Variants in ARL15 observed in about 807,000 individuals in gnomAD.
The protein encoded by ARL15 is ARF like GTPase 15, also known as ADP-ribosylation factor-like protein 15.
In ARL15, 19 loss-of-function variants were observed where a neutral mutation model predicts 25.2. The observed-to-expected ratio is 0.75, with a 90% confidence interval of 0.53 to 1.10. The LOEUF is 1.10. Ranked by LOEUF, ARL15 falls within the 50% of genes least tolerant of loss-of-function variation. The pLI is 0.00. For missense variants in ARL15, 220 were observed against 246.0 expected (o/e 0.89, Z 0.71); for synonymous variants, 94 against 86.8 (o/e 1.08, Z -0.46).
At chr5:54,063,847 T>C (rs1050838655) in intron 4 of ARL15, among the ~76,000 whole-genome samples, 1 of 152,208 alleles carries the variant, frequency 6.6e-6, no homozygotes, top group Non-Finnish European at 1.5e-5. Context: ...TATTAATATG[T>C]ATATGGCCAT....
At chr5:54,105,994 T>C (rs1752579180) in intron 4 of ARL15, among the ~76,000 whole-genome samples, 2 of 152,024 alleles carry the variant, frequency 1.3e-5, no homozygotes, top group Non-Finnish European at 2.9e-5. Flanking sequence ...AAGATAAATA[T>C]AAGCAATTAT....
intron 4 of ARL15, among the ~76,000 whole-genome samples, chr5:54,039,421 TTAGA>T (rs1750264280): frequency 6.6e-6 from 1 of 152,150 alleles, no homozygotes; most frequent in Non-Finnish European, 1.5e-5. Flanking sequence ...CACTTATCTC[TTAGA>T]TAATGAGGTT....
At chr5:53,962,276 A>G (rs752675543) in intron 4 of ARL15, among the ~76,000 whole-genome samples, 1 of 152,204 alleles carries the variant, frequency 6.6e-6, no homozygotes, top group Non-Finnish European at 1.5e-5. Context: ...AATATAAATT[A>G]TACTTGTGTA....
chr5:53,946,455 GAAAAAAAAAAAAAA>G (rs55727717), intron 4 of ARL15, among the ~76,000 whole-genome samples: 3 of 43,940 alleles, frequency 6.8e-5, no homozygotes, highest in Admixed American at 3.5e-4. Context: ...GTCTCAAGAG[GAAAAAAAAAAAAAA>G]AAAAAAAAAA....
chr5:53,932,268 T>G (rs765121101), intron 4 of ARL15, among the ~76,000 whole-genome samples: 4 of 152,336 alleles, frequency 2.6e-5, no homozygotes, highest in Non-Finnish European at 5.9e-5. Flanking sequence ...CATATGCTTT[T>G]GGGGAAGGTG....
chr5:53,900,842 C>T (rs1180367651), intron 4 of ARL15, among the ~76,000 whole-genome samples: 3 of 152,124 alleles, frequency 2.0e-5, no homozygotes, highest in South Asian at 4.1e-4. Flanking sequence ...CATATGCCTA[C>T]GGGCAGCTGC....
chr5:54,293,391 G>A (rs1758385433), intron 1 of ARL15, among the ~76,000 whole-genome samples: 1 of 152,136 alleles, frequency 6.6e-6, no homozygotes, highest in South Asian at 2.1e-4. Flanking sequence ...ATATAGGCTT[G>A]TAAAAAGTCA....
chr5:53,907,457 C>CAT (rs1174664612), intron 4 of ARL15, among the ~76,000 whole-genome samples: 419 of 23,846 alleles, frequency 0.018, 21 homozygotes, highest in East Asian at 0.04. Context: ...CTTAAGAGTT[C>CAT]ATATATATAT....
chr5:54,303,086 T>G (rs1758654429), intron 1 of ARL15, among the ~76,000 whole-genome samples: 1 of 152,126 alleles, frequency 6.6e-6, no homozygotes. Flanking sequence ...ATAAATCCTT[T>G]TATAAAGTTA....
intron 1 of ARL15, among the ~76,000 whole-genome samples, chr5:54,276,787 T>C (rs34171374): frequency 0.076 from 11,503 of 152,162 alleles, 604 homozygotes; most frequent in African/African-American, 0.14. Flanking sequence ...ATAGAGGAGA[T>C]GTGATAATGG....
chr5:53,917,443 C>T (rs1745689138), intron 4 of ARL15, among the ~76,000 whole-genome samples: 1 of 152,162 alleles, frequency 6.6e-6, no homozygotes, highest in South Asian at 2.1e-4. Context: ...AATGTTCCCT[C>T]AATCCCTCAA....
At chr5:54,235,324 C>A (rs1197231101) in intron 1 of ARL15, among the ~76,000 whole-genome samples, 1 of 152,064 alleles carries the variant, frequency 6.6e-6, no homozygotes, top group Non-Finnish European at 1.5e-5. Context: ...TACACTCAAC[C>A]TTATCAGATA....
At chr5:53,904,110 A>T (rs2111951567) in intron 4 of ARL15, among the ~76,000 whole-genome samples, 1 of 152,344 alleles carries the variant, frequency 6.6e-6, no homozygotes, top group Admixed American at 6.5e-5. Context: ...GTTGGGTTCA[A>T]AACAATAGCA....
At chr5:53,887,176 T>C (rs1368257254) in intron 4 of ARL15, among the ~76,000 whole-genome samples, 2 of 152,186 alleles carry the variant, frequency 1.3e-5, no homozygotes, top group East Asian at 1.9e-4. Context: ...ATCAAGCACA[T>C]AACACAACAA....
intron 1 of ARL15, among the ~76,000 whole-genome samples, chr5:54,283,622 C>T (rs1051267744): frequency 4.6e-5 from 7 of 152,196 alleles, no homozygotes; most frequent in African/African-American, 9.7e-5. Context: ...AGACTAAGAA[C>T]GCTCATTGCC....
intron 4 of ARL15, among the ~76,000 whole-genome samples, chr5:53,916,839 A>G (rs1745668172): frequency 6.6e-6 from 1 of 152,230 alleles, no homozygotes; most frequent in Non-Finnish European, 1.5e-5. Context: ...AACTCTTTCA[A>G]ACATCCCAAC....
rs3839228 is a variant in ARL15, at chr5:53,934,433, G to GA, written c.463-47721dup. ...CTAGGGAGGACAGCATATAAATTGA[G>GA]AAAAAAAAAAATAGAAACCTGGCTA... On this transcript the variant is annotated intron_variant, in intron 4 of 4. Transcript: ENST00000504924. Among the ~76,000 whole-genome samples the GA allele has an allele frequency of 7.3e-5, 11 of 150,958 alleles. No homozygotes were observed. In the East Asian group the frequency reaches 1.2e-3, roughly 16 times the overall value.
At chr5:53,989,759 A>G (rs938454732) in intron 4 of ARL15, among the ~76,000 whole-genome samples, 6 of 152,218 alleles carry the variant, frequency 3.9e-5, no homozygotes, top group African/African-American at 1.4e-4. Flanking sequence ...TATTTTGAAA[A>G]GAAAAATGAG....
At chr5:54,046,900 G>A (rs1750537557) in intron 4 of ARL15, among the ~76,000 whole-genome samples, 1 of 152,132 alleles carries the variant, frequency 6.6e-6, no homozygotes, top group East Asian at 1.9e-4. Flanking sequence ...GGGCCTTATG[G>A]GGAATGCCTG....
Sources: allele counts gnomAD v4.1 joint callset (sites outside exome capture counted in the v4.1 genomes callset), GRCh38; gene constraint gnomAD v4.1.1; transcripts MANE v1.5; gene names NCBI Gene and HGNC (gene_info 2026-07-23, HGNC 2026-07-21).